The following SAMD12 variants were observed in gnomAD, a reference collection of about 807,000 sequenced individuals.
The protein encoded by SAMD12 is sterile alpha motif domain containing 12, also known as sterile alpha motif domain-containing protein 12.
A neutral mutation model predicts 15.0 loss-of-function variants in SAMD12; 9 were observed. That is an observed-to-expected ratio of 0.60 (90% CI 0.36 to 1.05). The LOEUF is 1.05. SAMD12 is among the 50% of genes least tolerant of loss of function. SAMD12 has a pLI of 0.01. For missense variants in SAMD12, 230 were observed against 234.2 expected (o/e 0.98, Z 0.12); for synonymous variants, 86 against 90.1 (o/e 0.96, Z 0.25).
At chr8:118,431,605 C>T (rs1400601838) in intron 3 of SAMD12, among the ~76,000 whole-genome samples, 2 of 150,774 alleles carry the variant, frequency 1.3e-5, no homozygotes, top group African/African-American at 4.9e-5. Context: ...TCCTGGAATT[C>T]TTATCTTTTC....
chr8:118,297,084 T>C (rs1814753450), intron 4 of SAMD12, among the ~76,000 whole-genome samples: 1 of 152,168 alleles, frequency 6.6e-6, no homozygotes, highest in Non-Finnish European at 1.5e-5. Context: ...AATATAGATA[T>C]ATTAACTATG....
intron 4 of SAMD12, among the ~76,000 whole-genome samples, chr8:118,337,489 C>A (rs1019946548): frequency 6.6e-6 from 1 of 152,146 alleles, no homozygotes; most frequent in Non-Finnish European, 1.5e-5. Flanking sequence ...TGCTTTCTGC[C>A]GTTTTAGTTA....
rs540319839 is a variant in SAMD12 at position 118,352,396 on chromosome 8, G to T, written c.433+27164C>A. ...GAAAGAATAAAACCGTGAAACAGAT[G>T]GATTGCTGTTTTAAAGATTAAAATT... On this transcript the variant is annotated intron_variant, in intron 4 of 4. Transcript: ENST00000409003. 9.6e-4 allele frequency among the ~76,000 whole-genome samples: 146 copies of T among 152,204 alleles called. 1 individual carries two copies. Among genetic ancestry groups the T allele is most frequent in the African/African-American group, 3.5e-3 (144 of 41,532 alleles).
At chr8:118,588,447 T>C (rs528876190) in intron 1 of SAMD12, among the ~76,000 whole-genome samples, 20 of 152,312 alleles carry the variant, frequency 1.3e-4, no homozygotes, top group Middle Eastern at 3.4e-3. Context: ...AGTTTTTACA[T>C]TTTAAAGTGA....
At chr8:118,155,573 G>A in the SAMD12 span, among the ~76,000 whole-genome samples, 122 of 152,286 alleles carry the variant, frequency 8.0e-4, no homozygotes, top group Non-Finnish European at 1.3e-3. Flanking sequence ...GATGTAACCT[G>A]GACTGTATTG....
At position 118,382,930 on chromosome 8, in the gene SAMD12, A is replaced by G. The variant is rs948690117; in HGVS notation, c.323-3230T>C. On this transcript the variant is annotated intron_variant, in intron 3 of 3. Transcript: ENST00000314727. Reference sequence around the variant, plus strand: ...AAATCCGATTCACGGTCTTCTTTGGATGGTTTCTACAGATTGATGGTTCTG... The same window carrying G: ...AAATCCGATTCACGGTCTTCTTTGGGTGGTTTCTACAGATTGATGGTTCTG... Among the ~76,000 whole-genome samples the G allele has an allele frequency of 9.2e-5, 14 of 152,276 alleles. No homozygotes were observed. In the South Asian group the frequency reaches 2.5e-3, roughly 27 times the overall value.
At chr8:118,525,956 A>C (rs1042139644) in intron 2 of SAMD12, among the ~76,000 whole-genome samples, 5 of 152,228 alleles carry the variant, frequency 3.3e-5, no homozygotes, top group Non-Finnish European at 5.9e-5. Flanking sequence ...TTCATAAATT[A>C]GAAGTTTATA....
intron 2 of SAMD12, among the ~76,000 whole-genome samples, chr8:118,449,005 T>A (rs911951021): frequency 1.3e-5 from 2 of 151,910 alleles, no homozygotes; most frequent in African/African-American, 4.8e-5. Flanking sequence ...CCTCTTCTGC[T>A]GGATTCTCAA....
chr8:118,303,531 C>G (rs1436834783), intron 4 of SAMD12, among the ~76,000 whole-genome samples: 1 of 152,138 alleles, frequency 6.6e-6, no homozygotes, highest in Non-Finnish European at 1.5e-5. Context: ...CAGAATTCTA[C>G]GATTGACAAA....
At chr8:118,300,765 A>G (rs1470706375) in intron 4 of SAMD12, among the ~76,000 whole-genome samples, 5 of 152,222 alleles carry the variant, frequency 3.3e-5, no homozygotes, top group Non-Finnish European at 7.3e-5. Context: ...TCTCTTTCAC[A>G]TCTTTTTTGT....
chr8:118,461,046 C>T (rs78753868), intron 2 of SAMD12, among the ~76,000 whole-genome samples: 1,871 of 152,326 alleles, frequency 0.012, 17 homozygotes, highest in Non-Finnish European at 0.02. Context: ...AATTCCTGCA[C>T]ACTTTTCAAG....
At chr8:118,535,009 T>C (rs563725615) in intron 2 of SAMD12, among the ~76,000 whole-genome samples, 2 of 152,278 alleles carry the variant, frequency 1.3e-5, no homozygotes, top group Admixed American at 1.3e-4. Context: ...CTGCATTCCT[T>C]TGGAGGAGAA....
chr8:118,554,350 G>T (rs1263300286), intron 2 of SAMD12, among the ~76,000 whole-genome samples: 1 of 152,008 alleles, frequency 6.6e-6, no homozygotes, highest in Non-Finnish European at 1.5e-5. Flanking sequence ...ATACTATGCA[G>T]CCATAAAAAA....
intron 4 of SAMD12, among the ~76,000 whole-genome samples, chr8:118,243,367 GA>G (rs1248776053): frequency 6.6e-6 from 1 of 151,856 alleles, no homozygotes; most frequent in Non-Finnish European, 1.5e-5. Context: ...TGAAAGAGCC[GA>G]AAAAATGGTA....
At chr8:118,426,856 G>A (rs1822250192) in intron 3 of SAMD12, among the ~76,000 whole-genome samples, 1 of 152,154 alleles carries the variant, frequency 6.6e-6, no homozygotes, top group South Asian at 2.1e-4. Flanking sequence ...GGTGGTGAGA[G>A]TACTTTTTAA....
chr8:118,312,640 A>G (rs1815687512), intron 4 of SAMD12, among the ~76,000 whole-genome samples: 1 of 152,156 alleles, frequency 6.6e-6, no homozygotes, highest in Non-Finnish European at 1.5e-5. Flanking sequence ...CTTTTATTAA[A>G]CCACTTGTAG....
intron 2 of SAMD12, among the ~76,000 whole-genome samples, chr8:118,483,319 A>G (rs1267431375): frequency 6.6e-6 from 1 of 152,242 alleles, no homozygotes; most frequent in Non-Finnish European, 1.5e-5. Flanking sequence ...ATTAACATGT[A>G]CTTTTTATGG....
At chr8:118,154,769 T>C in the SAMD12 span, among the ~76,000 whole-genome samples, 2 of 152,286 alleles carry the variant, frequency 1.3e-5, no homozygotes, top group East Asian at 3.9e-4. Flanking sequence ...GGAATAATAA[T>C]AGCATGAGTT....
intron 2 of SAMD12, among the ~76,000 whole-genome samples, chr8:118,517,663 CAGAAG>C (rs1162906883): frequency 6.6e-6 from 1 of 152,168 alleles, no homozygotes; most frequent in Non-Finnish European, 1.5e-5. Context: ...TATAAAAGAT[CAGAAG>C]CAATCACACA....
Sources: allele counts gnomAD v4.1 joint callset (sites outside exome capture counted in the v4.1 genomes callset), GRCh38; gene constraint gnomAD v4.1.1; transcripts MANE v1.5; gene names NCBI Gene and HGNC (gene_info 2026-07-23, HGNC 2026-07-21).